Variants in GALNT14 observed in about 807,000 individuals in gnomAD.
GALNT14 encodes polypeptide N-acetylgalactosaminyltransferase 14.
Under a neutral mutation model 77.5 loss-of-function variants are expected in GALNT14, and 60 were observed. The ratio of observed to expected loss-of-function variants is 0.77; its 90% CI spans 0.63 to 0.96. The LOEUF is 0.96. Among genes scored for constraint, GALNT14 ranks in the 40% least tolerant of loss-of-function variants. GALNT14 has a pLI of 0.00. For missense variants in GALNT14, 710 were observed against 731.0 expected (o/e 0.97, Z 0.33); for synonymous variants, 280 against 281.7 (o/e 0.99, Z 0.06).
chr2:31,095,079 A>C (rs1676935496), intron 1 of GALNT14, among the ~76,000 whole-genome samples: 1 of 152,220 alleles, frequency 6.6e-6, no homozygotes, highest in African/African-American at 2.4e-5. Flanking sequence ...AGCTGAGTTA[A>C]AGAGGTACCA....
intron 2 of GALNT14, among the ~76,000 whole-genome samples, chr2:30,973,590 G>T (rs923833581): frequency 6.6e-6 from 1 of 152,104 alleles, no homozygotes; most frequent in Non-Finnish European, 1.5e-5. Context: ...CTGGCCCCTT[G>T]GTTCAAACTG....
rs75794073 is a variant in GALNT14, at chr2:31,100,942, C to T, written c.129+37016G>A. 6.8e-3 allele frequency among the ~76,000 whole-genome samples: 1,040 copies of T among 151,976 alleles called. 10 individuals carry two copies. The highest frequency in any genetic ancestry group is 0.02 in the African/African-American group (843 of 41,464). On this transcript the variant is annotated intron_variant, in intron 1 of 14. Transcript: ENST00000349752. ...TTTATAATGGAGTGTTAAATATCTCCGATAATTTATTCACTACTGTACTGA... is the reference window on the plus strand; with the variant it reads ...TTTATAATGGAGTGTTAAATATCTCTGATAATTTATTCACTACTGTACTGA...
intron 1 of GALNT14, among the ~76,000 whole-genome samples, chr2:31,046,385 C>A (rs967124231): frequency 1.3e-5 from 2 of 152,072 alleles, no homozygotes; most frequent in African/African-American, 2.4e-5. Context: ...TGCCACCACG[C>A]CCAGCTAATT....
At chr2:31,135,680 G>A (rs1432643974) in intron 1 of GALNT14, among the ~76,000 whole-genome samples, 2 of 152,178 alleles carry the variant, frequency 1.3e-5, no homozygotes, top group African/African-American at 2.4e-5. Context: ...TTTTGTGACT[G>A]CACAGTACAA....
chr2:31,113,111 A>T (rs527643477), intron 1 of GALNT14, among the ~76,000 whole-genome samples: 1 of 152,224 alleles, frequency 6.6e-6, no homozygotes, highest in Non-Finnish European at 1.5e-5. Flanking sequence ...AAGAAATCTA[A>T]ATTTTAAAAG....
chr2:31,066,156 C>T (rs2148552287), intron 1 of GALNT14, among the ~76,000 whole-genome samples: 1 of 152,304 alleles, frequency 6.6e-6, no homozygotes, highest in South Asian at 2.1e-4. Context: ...TGCCCCTTTC[C>T]ATCCCATGGA....
Position 30,963,663 on chromosome 2 carries a change from T to C in GALNT14, c.398+2541A>G, listed in dbSNP as rs1205692805. ...TAGAAATGTGATAGAATTAGAAACA[T>C]GAAAGATATTTTTATCATCATTTTC... On this transcript the variant is annotated intron_variant, in intron 3 of 14. Coordinates refer to ENST00000349752, the MANE Select transcript of GALNT14 (RefSeq NM_024572.4). 5.3e-5 allele frequency among the ~76,000 whole-genome samples: 8 copies of C among 152,278 alleles called. No individual in the cohort carries two copies. The East Asian group carries it at 1.5e-3, about 29-fold the overall frequency.
chr2:31,068,478 C>T (rs1206482235), intron 1 of GALNT14, among the ~76,000 whole-genome samples: 1 of 147,282 alleles, frequency 6.8e-6, no homozygotes, highest in East Asian at 2.0e-4. Context: ...CACTCTACTC[C>T]AGCTGGGTGA....
intron 1 of GALNT14, among the ~76,000 whole-genome samples, chr2:31,103,235 T>C (rs1337764075): frequency 3.3e-5 from 5 of 152,180 alleles, no homozygotes; most frequent in Non-Finnish European, 1.5e-5. Context: ...GGAAGGTTTG[T>C]GTTTTTATTC....
intron 1 of GALNT14, among the ~76,000 whole-genome samples, chr2:31,023,246 TAA>T (rs770793197): frequency 2.6e-5 from 4 of 151,966 alleles, no homozygotes; most frequent in Non-Finnish European, 5.9e-5. Context: ...TTCTCTGGAG[TAA>T]AGTTTCCAGT....
chr2:30,973,168 C>G (rs1416235504), intron 2 of GALNT14, among the ~76,000 whole-genome samples: 1 of 152,162 alleles, frequency 6.6e-6, no homozygotes, highest in Non-Finnish European at 1.5e-5. Context: ...GGAATGGGAC[C>G]AACTTCCTGG....
At chr2:30,980,255 C>T (rs1453718214) in intron 2 of GALNT14, among the ~76,000 whole-genome samples, 1 of 152,228 alleles carries the variant, frequency 6.6e-6, no homozygotes, top group African/African-American at 2.4e-5. Flanking sequence ...CGTTTCTCCA[C>T]CCCTGGCCCT....
chr2:31,124,771 C>A (rs17394359), intron 1 of GALNT14, among the ~76,000 whole-genome samples: 76,999 of 152,042 alleles, frequency 0.51, 19,974 homozygotes, highest in East Asian at 0.83. Flanking sequence ...TGGTAGCAGT[C>A]GCTGAATCTC....
intron 8 of GALNT14, among the ~76,000 whole-genome samples, chr2:30,942,720 C>A (rs776409991): frequency 5.3e-5 from 8 of 152,184 alleles, no homozygotes; most frequent in Non-Finnish European, 1.0e-4. Flanking sequence ...GGGCTACCGA[C>A]CACGCAGAGG....
intron 11 of GALNT14, among the ~76,000 whole-genome samples, chr2:30,926,912 C>A (rs1665421425): frequency 6.6e-6 from 1 of 152,018 alleles, no homozygotes; most frequent in Non-Finnish European, 1.5e-5. Context: ...TGAAGCTGGG[C>A]ACTGGAGGAA....
chr2:30,961,311 C>T (rs534504591), intron 3 of GALNT14, among the ~76,000 whole-genome samples: 4 of 152,290 alleles, frequency 2.6e-5, no homozygotes, highest in East Asian at 3.9e-4. Flanking sequence ...TTTTATCAAA[C>T]GCTCCATAAA....
rs969786924 is a variant in GALNT14, at chr2:30,924,101, C to T, written c.1380+18G>A. The T allele has an allele frequency of 3.1e-6, 5 of 1,614,096 alleles. No homozygotes were observed. The highest frequency in any genetic ancestry group is 1.7e-5 in the Admixed American group (1 of 60,020). On this transcript the variant is annotated intron_variant, in intron 13 of 14. Transcript: ENST00000349752. The stretch of plus-strand genomic sequence containing the variant: ...CTACTGTGACACATGGTCCTGTATG[C>T]CCAGCCAGTTACTTTACCTGGGACT...
intron 1 of GALNT14, among the ~76,000 whole-genome samples, chr2:31,005,440 C>T (rs1480556820): frequency 6.6e-6 from 1 of 152,220 alleles, no homozygotes; most frequent in African/African-American, 2.4e-5. Flanking sequence ...CAATACTAAT[C>T]TTCACCCTCA....
At chr2:31,096,436 C>T (rs1194833495) in intron 1 of GALNT14, among the ~76,000 whole-genome samples, 2 of 152,138 alleles carry the variant, frequency 1.3e-5, no homozygotes, top group African/African-American at 4.8e-5. Flanking sequence ...CAGTTTCCTC[C>T]TATGAAGTTG....
Sources: allele counts gnomAD v4.1 joint callset (sites outside exome capture counted in the v4.1 genomes callset), GRCh38; gene constraint gnomAD v4.1.1; transcripts MANE v1.5; gene names NCBI Gene and HGNC (gene_info 2026-07-23, HGNC 2026-07-21).